SPECC1L: variants seen among roughly 807,000 people sequenced by gnomAD.
SPECC1L encodes the protein sperm antigen with calponin homology and coiled-coil domains 1 like.
In SPECC1L, 40 loss-of-function variants were observed where a neutral mutation model predicts 116.8. That is an observed-to-expected ratio of 0.34 (90% confidence interval 0.27 to 0.45). The LOEUF is 0.45. Ranked by LOEUF, SPECC1L falls within the 20% of genes least tolerant of loss-of-function variation. The pLI, the probability that SPECC1L is intolerant of heterozygous loss-of-function variation, is 1.00. For missense variants in SPECC1L, 1,110 were observed against 1,373.6 expected, an observed-to-expected ratio of 0.81 and a Z score of 3.03; for synonymous variants, 504 against 500.6, an observed-to-expected ratio of 1.01 and a Z score of -0.09.
intron 14 of SPECC1L, among the ~76,000 whole-genome samples, chr22:24,409,180 C>T (rs1399692224): frequency 2.6e-5 from 4 of 152,192 alleles, no homozygotes; most frequent in Non-Finnish European, 5.9e-5. Context: ...TAACATCATT[C>T]TGTGAATCAC....
chr22:24,345,412 A>C (rs1488895504), intron 10 of SPECC1L, among the ~76,000 whole-genome samples: 1 of 152,228 alleles, frequency 6.6e-6, no homozygotes. Context: ...ATTTATTAAG[A>C]TATAAAAAAG....
chr22:24,360,190 A>G (rs970672965), intron 11 of SPECC1L, among the ~76,000 whole-genome samples: 1 of 152,206 alleles, frequency 6.6e-6, no homozygotes, highest in Non-Finnish European at 1.5e-5. Context: ...CACTAATCTT[A>G]TTTCCTGAAG....
chr22:24,414,856 A>G lies in SPECC1L; in HGVS notation c.*233A>G, dbSNP rs2042772923. 5.3e-6 allele frequency: 3 copies of G among 563,780 alleles called. No homozygotes were observed. Among genetic ancestry groups the G allele is most frequent in the Admixed American group, 6.0e-5 (2 of 33,388 alleles). The allele number at this position is 563,780 out of a possible 1,614,324, so 34.9% of individuals were successfully genotyped here. On this transcript the variant is annotated 3_prime_UTR_variant, in exon 17 of 17. Coordinates refer to ENST00000314328, the MANE Select transcript of SPECC1L (RefSeq NM_015330.6). ...TCCATTCAGGTCATGTGGGCTCAGC[A>G]CACATCCTGCAGGCCGGTGGCTGCT...
At chr22:24,369,145 C>A in intron 13 of SPECC1L, 73 bp from the exon 14 acceptor site, 1 of 1,102,326 alleles carries the variant, frequency 9.1e-7, no homozygotes, top group Non-Finnish European at 1.4e-6. Context: ...TTTAAAAATG[C>A]AAACTTTAAT....
rs148147544 is a variant in SPECC1L, at chr22:24,322,646, G to A, written c.1666G>A (p.Ala556Thr). 5 of 1,613,648 alleles carry A rather than the reference G, an allele frequency of 3.1e-6. No individual in the cohort carries two copies. The highest frequency in any genetic ancestry group is 4.2e-6 in the Non-Finnish European group (5 of 1,179,912). The change falls in exon 5 of 17, where the codon GCA becomes ACA. Residue 556 changes from alanine to threonine, a missense_variant. Physicochemically the swap from Ala to Thr is moderately conservative, Grantham distance 58. Coordinates refer to ENST00000314328, the MANE Select transcript of SPECC1L (RefSeq NM_015330.6). ...RIIESEQKGKAALAATLEEYK... is the reference protein window; with the variant it reads ...RIIESEQKGKTALAATLEEYK... ...TATTGAGTCTGAGCAGAAAGGAAAA[G>A]CAGCCTTGGCAGCCACGTTAGAGGA...
Position 24,321,937 on chromosome 22 carries a change from T to A in SPECC1L, c.957T>A (p.Pro319=). 6.2e-7 allele frequency: 1 copy of A among 1,614,228 alleles called. No homozygotes were observed. Among genetic ancestry groups the A allele is most frequent in the Non-Finnish European group, 8.5e-7 (1 of 1,180,042 alleles). ...TLTSSVEGSA[P]GSVEDLLSQD... is the part of the protein sequence containing the mutation. Reference sequence around the variant, plus strand: ...CTTCTTCAGTGGAAGGCTCTGCCCCTGGCTCAGTGGAGGATCTCTTGAGTC... The same window carrying A: ...CTTCTTCAGTGGAAGGCTCTGCCCCAGGCTCAGTGGAGGATCTCTTGAGTC... The change falls in exon 5 of 17, where the codon CCT becomes CCA. Residue 319 remains proline (P), a synonymous_variant. Coordinates refer to ENST00000314328, the MANE Select transcript of SPECC1L (RefSeq NM_015330.6).
At chr22:24,364,047 C>A (rs2041698881) in intron 12 of SPECC1L, among the ~76,000 whole-genome samples, 2 of 152,268 alleles carry the variant, frequency 1.3e-5, no homozygotes, top group Admixed American at 1.3e-4. Context: ...CCTGCAGATC[C>A]ACCTTCTTCT....
intron 11 of SPECC1L, among the ~76,000 whole-genome samples, chr22:24,351,336 T>A (rs775468609): frequency 6.6e-6 from 1 of 152,242 alleles, no homozygotes; most frequent in Non-Finnish European, 1.5e-5. Context: ...ACCGTTTAAT[T>A]ATTTCTGTTA....
At chr22:24,297,738 CA>C (rs1173455791) in intron 2 of SPECC1L, among the ~76,000 whole-genome samples, 1 of 152,156 alleles carries the variant, frequency 6.6e-6, no homozygotes, top group African/African-American at 2.4e-5. Context: ...TTCTGAATGA[CA>C]TGATGAAATC....
chr22:24,357,238 G>T (rs971522043), intron 11 of SPECC1L, among the ~76,000 whole-genome samples: 22 of 151,978 alleles, frequency 1.4e-4, no homozygotes, highest in African/African-American at 5.1e-4. Context: ...TGTTTTCAAG[G>T]TTCATCCATT....
At chr22:24,343,361 G>T (rs2041219258) in intron 10 of SPECC1L, 1 of 369,066 alleles carries the variant, frequency 2.7e-6, no homozygotes, top group Non-Finnish European at 5.3e-6. Flanking sequence ...GAAAAACAGT[G>T]ATAAGAAACT....
intron 11 of SPECC1L, among the ~76,000 whole-genome samples, chr22:24,359,561 C>T (rs991212987): frequency 3.0e-4 from 46 of 152,078 alleles, no homozygotes; most frequent in African/African-American, 1.1e-3. Context: ...AATCTGTGTC[C>T]CTCACATTGG....
chr22:24,347,170 G>C lies in SPECC1L; in HGVS notation c.2737G>C (p.Val913Leu). 6.2e-7 allele frequency: 1 copy of C among 1,612,768 alleles called. No individual in the cohort carries two copies. The highest frequency in any genetic ancestry group is 8.5e-7 in the Non-Finnish European group (1 of 1,178,900). The change falls in exon 11 of 17, where the codon GTT becomes CTT. Residue 913 changes from valine to leucine, a missense_variant. By Grantham distance (32) the Val-to-Leu change is conservative. Transcript: ENST00000314328. ...DKRPNYGEIP[V>L]QEHLLRTSSA... ...GAGACCAAACTATGGGGAAATCCCT[G>C]TTCAAGGTACGTGTAATATGCCATA... is the stretch of plus-strand genomic sequence containing the variant.
At chr22:24,316,705 G>A (rs1438872725) in intron 4 of SPECC1L, among the ~76,000 whole-genome samples, 1 of 149,658 alleles carries the variant, frequency 6.7e-6, no homozygotes, top group Non-Finnish European at 1.5e-5. Context: ...GCAACCATCC[G>A]ATTTCTCAAT....
At chr22:24,396,890 C>T (rs1265450180) in intron 14 of SPECC1L, among the ~76,000 whole-genome samples, 1 of 151,982 alleles carries the variant, frequency 6.6e-6, no homozygotes, top group Non-Finnish European at 1.5e-5. Flanking sequence ...AAAACAAAAC[C>T]CAAAAAAATA....
intron 14 of SPECC1L, among the ~76,000 whole-genome samples, chr22:24,395,455 C>G (rs1284889463): frequency 1.3e-5 from 2 of 152,054 alleles, no homozygotes; most frequent in Non-Finnish European, 2.9e-5. Context: ...CAGAGAGGGA[C>G]TGAGGGGAAA....
intron 14 of SPECC1L, among the ~76,000 whole-genome samples, chr22:24,405,473 G>A (rs769287264): frequency 6.6e-6 from 1 of 152,024 alleles, no homozygotes; most frequent in African/African-American, 2.4e-5. Context: ...TTGCGTGTTG[G>A]TGTCCTGGTT....
At chr22:24,388,270 C>T (rs969617664) in intron 14 of SPECC1L, among the ~76,000 whole-genome samples, 2 of 124,660 alleles carry the variant, frequency 1.6e-5, no homozygotes, top group African/African-American at 6.2e-5. Context: ...GTGTTATGTT[C>T]CCCTTCCTGT....
At chr22:24,278,959 T>C (rs947993530) in intron 2 of SPECC1L, among the ~76,000 whole-genome samples, 90 of 152,342 alleles carry the variant, frequency 5.9e-4, no homozygotes, top group African/African-American at 2.0e-3. Context: ...TTATAAATTT[T>C]ATCCAAATCC....
Sources: allele counts gnomAD v4.1 joint callset (sites outside exome capture counted in the v4.1 genomes callset), GRCh38; gene constraint gnomAD v4.1.1; transcripts MANE v1.5; gene names NCBI Gene and HGNC (gene_info 2026-07-23, HGNC 2026-07-21).